ATP10A: variants seen among roughly 807,000 people sequenced by gnomAD.
The protein encoded by ATP10A is phospholipid-transporting ATPase VA.
A neutral mutation model predicts 147.8 loss-of-function variants in ATP10A; 111 were observed. That is an observed-to-expected ratio of 0.75 (90% CI 0.64 to 0.88). ATP10A has a LOEUF of 0.88. ATP10A is among the 40% of genes least tolerant of loss of function. The pLI is 0.00. For missense variants in ATP10A, 1,927 were observed against 1,959.0 expected, an observed-to-expected ratio of 0.98 and a Z score of 0.31; for synonymous variants, 875 against 841.6, an observed-to-expected ratio of 1.04 and a Z score of -0.69.
intron 2 of ATP10A, among the ~76,000 whole-genome samples, chr15:25,768,769 C>T (rs1386014922): frequency 1.4e-5 from 2 of 144,272 alleles, no homozygotes; most frequent in Non-Finnish European, 3.0e-5. Flanking sequence ...GTTTATGTGG[C>T]CCTCCCACCT....
At chr15:25,695,199 A>T in intron 13 of ATP10A, 53 bp from the exon 14 acceptor site, 1 of 1,513,400 alleles carries the variant, frequency 6.6e-7, no homozygotes, top group South Asian at 1.3e-5. Flanking sequence ...TGCCACAAAC[A>T]TCCCCGCCCT....
chr15:25,698,021 G>A lies in ATP10A; in HGVS notation c.2761-2875C>T, dbSNP rs1275317484. On this transcript the variant is annotated intron_variant, in intron 13 of 20. Coordinates refer to ENST00000555815, the MANE Select transcript of ATP10A (RefSeq NM_024490.4). ...TGATTAAAAATAAAGAAAGTTTACC[G>A]AAGTGTCACAGCCAAGAAGAGTGTA... Among the ~76,000 whole-genome samples, 5 of 151,676 alleles carry A rather than the reference G, an allele frequency of 3.3e-5. No individual in the cohort carries two copies. The East Asian group carries it at 7.7e-4, about 23-fold the overall frequency.
upstream of ATP10A, chr15:25,864,993 C>A (rs923447196): frequency 6.6e-6 from 1 of 150,404 alleles, no homozygotes; most frequent in East Asian, 1.9e-4. Context: ...AAAGTAATTA[C>A]CGCCTCATTC....
intron 13 of ATP10A, among the ~76,000 whole-genome samples, chr15:25,698,475 T>C (rs1567309669): frequency 6.6e-6 from 1 of 152,090 alleles, no homozygotes; most frequent in Non-Finnish European, 1.5e-5. Context: ...ATACAGCATA[T>C]AATACATACA....
chr15:25,759,152 T>C (rs535871991), intron 2 of ATP10A, among the ~76,000 whole-genome samples: 41 of 152,320 alleles, frequency 2.7e-4, no homozygotes, highest in African/African-American at 8.2e-4. Context: ...CCCTTCTATA[T>C]AGAAGTAACT....
chr15:25,737,431 CTT>C (rs1235819072), intron 2 of ATP10A, among the ~76,000 whole-genome samples: 2 of 152,212 alleles, frequency 1.3e-5, no homozygotes, highest in Non-Finnish European at 2.9e-5. Flanking sequence ...GTTTATTATT[CTT>C]TCTCTCTAAG....
At chr15:25,706,832 A>G (rs1015389103) in intron 12 of ATP10A, among the ~76,000 whole-genome samples, 3 of 152,210 alleles carry the variant, frequency 2.0e-5, no homozygotes, top group African/African-American at 4.8e-5. Flanking sequence ...AGCCTGGTCA[A>G]TGAGGCTGGG....
At chr15:25,754,274 C>T (rs1476480255) in intron 2 of ATP10A, among the ~76,000 whole-genome samples, 1 of 152,166 alleles carries the variant, frequency 6.6e-6, no homozygotes, top group African/African-American at 2.4e-5. Flanking sequence ...GCTGGGACAA[C>T]AGGCGCGTGC....
chr15:25,682,479 C>G (rs1434184618), intron 17 of ATP10A, among the ~76,000 whole-genome samples: 1 of 152,172 alleles, frequency 6.6e-6, no homozygotes, highest in African/African-American at 2.4e-5. Context: ...AAAGTGCTGG[C>G]TAGGCTCTTC....
At chr15:25,852,561 C>T (rs1202909852) in intron 1 of ATP10A, among the ~76,000 whole-genome samples, 2 of 111,092 alleles carry the variant, frequency 1.8e-5, no homozygotes, top group Admixed American at 2.1e-4. Flanking sequence ...TGAACTCCTC[C>T]GAAGTTCCCT....
intron 1 of ATP10A, among the ~76,000 whole-genome samples, chr15:25,786,721 G>C (rs1014857695): frequency 7.2e-6 from 1 of 139,162 alleles, no homozygotes; most frequent in East Asian, 2.1e-4. Flanking sequence ...CGCCTCCTGG[G>C]TTCACTCCAT....
chr15:25,703,769 G>T (rs1900808360), intron 12 of ATP10A, among the ~76,000 whole-genome samples: 1 of 152,228 alleles, frequency 6.6e-6, no homozygotes, highest in African/African-American at 2.4e-5. Context: ...CAGCACCCCA[G>T]AAGACCCCCT....
In ATP10A at chr15:25,824,559, GTTTTT is replaced by G. The variant is rs61050447; in HGVS notation, c.449+38084_449+38088del. Among the ~76,000 whole-genome samples, 66 of 120,164 alleles carry G rather than the reference GTTTTT, an allele frequency of 5.5e-4. 1 individual carries two copies. Among genetic ancestry groups the G allele is most frequent in the African/African-American group, 4.4e-4 (11 of 24,850 alleles). The allele number at this position is 120,164 out of a possible 152,430, so 78.8% of individuals were successfully genotyped here. A position where few individuals can be genotyped will look rare whatever the true frequency, so the allele number is the denominator to read the frequency against. On this transcript the variant is annotated intron_variant, in intron 1 of 20. Coordinates refer to ENST00000555815, the MANE Select transcript of ATP10A (RefSeq NM_024490.4). ...TTTAACATTCTCACTTTTTGTGTGTGTTTTTTTTTTTTTTTGCATTTTAACGAAAC... is the reference window on the plus strand; with the variant it reads ...TTTAACATTCTCACTTTTTGTGTGTGTTTTTTTTTTGCATTTTAACGAAAC...
chr15:25,694,568 C>G (rs1379456212), intron 14 of ATP10A, among the ~76,000 whole-genome samples: 2 of 152,262 alleles, frequency 1.3e-5, no homozygotes, highest in African/African-American at 2.4e-5. Flanking sequence ...TAAGCTCCAT[C>G]TTGTTGCCGT....
At chr15:25,839,449 T>C (rs1354848737) in intron 1 of ATP10A, among the ~76,000 whole-genome samples, 1 of 152,176 alleles carries the variant, frequency 6.6e-6, no homozygotes, top group Non-Finnish European at 1.5e-5. Flanking sequence ...TAAATCTTAA[T>C]GCTTATCTCC....
At chr15:25,759,927 G>A (rs1215598834) in intron 2 of ATP10A, among the ~76,000 whole-genome samples, 1 of 151,586 alleles carries the variant, frequency 6.6e-6, no homozygotes. Flanking sequence ...TGTCACTTTG[G>A]TTTTATTTCA....
intron 12 of ATP10A, among the ~76,000 whole-genome samples, chr15:25,705,694 G>C (rs1417984089): frequency 6.6e-6 from 1 of 152,204 alleles, no homozygotes; most frequent in Non-Finnish European, 1.5e-5. Context: ...CAACCGGTCT[G>C]TGGGAGGAAG....
chr15:25,864,053 GAA>G (rs575686320), upstream of ATP10A, among the ~76,000 whole-genome samples: 4 of 151,848 alleles, frequency 2.6e-5, no homozygotes, highest in Non-Finnish European at 4.4e-5. Context: ...CATGAGGACC[GAA>G]ACGCTCCTTG....
At chr15:25,692,392 G>A (rs908941797) in intron 14 of ATP10A, among the ~76,000 whole-genome samples, 15 of 152,150 alleles carry the variant, frequency 9.9e-5, no homozygotes, top group African/African-American at 3.6e-4. Context: ...GGACACCTTC[G>A]GGGAAAGGAC....
Sources: gnomAD v4.1 joint callset for allele counts (sites outside exome capture counted in the v4.1 genomes callset) on GRCh38, gnomAD v4.1.1 for gene constraint, MANE v1.5 for transcripts, NCBI Gene and HGNC (gene_info 2026-07-23, HGNC 2026-07-21) for gene names.